The following CHCHD6 variants were observed in gnomAD, a reference collection of about 807,000 sequenced individuals.
CHCHD6 encodes the protein coiled-coil-helix-coiled-coil-helix domain containing 6.
CHCHD6 carries 28 observed loss-of-function variants against 32.3 expected under a neutral mutation model. The ratio of observed to expected loss-of-function variants is 0.87; its 90% CI spans 0.64 to 1.19. The LOEUF is 1.19. Among genes scored for constraint, CHCHD6 ranks in the 50% most tolerant of loss-of-function variants. The pLI is 0.00. For synonymous variants in CHCHD6, 122 were observed against 117.5 expected (o/e 1.04, Z -0.25); for missense variants, 333 against 307.0 (o/e 1.08, Z -0.63).
intron 5 of CHCHD6, among the ~76,000 whole-genome samples, chr3:126,871,179 TTCTC>T (rs1321739351): frequency 3.3e-5 from 5 of 152,348 alleles, no homozygotes; most frequent in Middle Eastern, 3.4e-3. Flanking sequence ...TAGTAGCTCT[TTCTC>T]TCTATCATCT....
At chr3:126,808,177 A>G (rs929626883) in intron 4 of CHCHD6, among the ~76,000 whole-genome samples, 44 of 152,150 alleles carry the variant, frequency 2.9e-4, no homozygotes, top group African/African-American at 8.7e-4. Flanking sequence ...TCTGAATTCA[A>G]TTCCTTGTGG....
intron 7 of CHCHD6, among the ~76,000 whole-genome samples, chr3:126,959,578 G>T (rs1321637009): frequency 6.6e-6 from 1 of 152,230 alleles, no homozygotes; most frequent in South Asian, 2.1e-4. Flanking sequence ...GGCCCACATG[G>T]TCAAGGGCCT....
chr3:126,931,952 G>GC (rs1426848713), intron 6 of CHCHD6, among the ~76,000 whole-genome samples: 1 of 152,180 alleles, frequency 6.6e-6, no homozygotes, highest in Non-Finnish European at 1.5e-5. Flanking sequence ...CTAGGCTGAC[G>GC]CATCCTAAGT....
chr3:126,867,541 T>C (rs1942329843), intron 5 of CHCHD6, among the ~76,000 whole-genome samples: 1 of 152,264 alleles, frequency 6.6e-6, no homozygotes, highest in Non-Finnish European at 1.5e-5. Context: ...AAATGGGTAC[T>C]CTAAGGCATT....
At chr3:126,837,869 C>CA (rs1559873343) in intron 4 of CHCHD6, among the ~76,000 whole-genome samples, 1 of 152,132 alleles carries the variant, frequency 6.6e-6, no homozygotes, top group Non-Finnish European at 1.5e-5. Context: ...GCATTTCCAC[C>CA]GTCTCCTTCC....
At chr3:126,952,775 G>A (rs2078733245) in intron 6 of CHCHD6, among the ~76,000 whole-genome samples, 1 of 152,208 alleles carries the variant, frequency 6.6e-6, no homozygotes, top group South Asian at 2.1e-4. Flanking sequence ...CAGGAGAGGT[G>A]GTCAGTGGGA....
At chr3:126,757,361 A>G (rs1936991801) in intron 4 of CHCHD6, among the ~76,000 whole-genome samples, 1 of 152,220 alleles carries the variant, frequency 6.6e-6, no homozygotes, top group Non-Finnish European at 1.5e-5. Flanking sequence ...GAAGAAGTCT[A>G]GGGAAAAGTC....
intron 4 of CHCHD6, among the ~76,000 whole-genome samples, chr3:126,809,259 G>C (rs1377237916): frequency 6.6e-6 from 1 of 152,206 alleles, no homozygotes; most frequent in Non-Finnish European, 1.5e-5. Context: ...ATGAGCCACT[G>C]TGCCTGGCCT....
intron 4 of CHCHD6, among the ~76,000 whole-genome samples, chr3:126,831,897 T>C (rs1239892130): frequency 6.6e-6 from 1 of 152,070 alleles, no homozygotes; most frequent in Non-Finnish European, 1.5e-5. Flanking sequence ...GAGTGAGGAG[T>C]GCGAGGGGCT....
At chr3:126,892,936 C>CT (rs1224248539) in intron 5 of CHCHD6, among the ~76,000 whole-genome samples, 1 of 151,606 alleles carries the variant, frequency 6.6e-6, no homozygotes, top group Non-Finnish European at 1.5e-5. Context: ...TTTTGTTTTT[C>CT]TTTTTTTGTT....
At chr3:126,808,690 G>C (rs1939522448) in intron 4 of CHCHD6, among the ~76,000 whole-genome samples, 1 of 152,014 alleles carries the variant, frequency 6.6e-6, no homozygotes, top group Non-Finnish European at 1.5e-5. Flanking sequence ...GATTTTTTAA[G>C]ATTAAGAAGC....
intron 5 of CHCHD6, among the ~76,000 whole-genome samples, chr3:126,897,357 G>C (rs182191667): frequency 2.0e-5 from 3 of 152,316 alleles, no homozygotes; most frequent in Admixed American, 1.3e-4. Context: ...TCTTCTTTTG[G>C]ATTAATATAG....
intron 5 of CHCHD6, among the ~76,000 whole-genome samples, chr3:126,885,193 G>A (rs919647334): frequency 4.3e-4 from 66 of 152,200 alleles, no homozygotes; most frequent in Admixed American, 1.5e-3. Context: ...ATGCTGGCTG[G>A]TCCTTCCAGC....
chr3:126,715,034 G>A (rs796579718), intron 1 of CHCHD6, among the ~76,000 whole-genome samples: 10 of 152,288 alleles, frequency 6.6e-5, no homozygotes, highest in African/African-American at 2.4e-4. Context: ...CATTCGACTA[G>A]TTTTTAAAGT....
At chr3:126,833,049 ACAGTATT>A (rs1394686212) in intron 4 of CHCHD6, among the ~76,000 whole-genome samples, 1 of 152,218 alleles carries the variant, frequency 6.6e-6, no homozygotes, top group Non-Finnish European at 1.5e-5. Context: ...ACATAGTGAC[ACAGTATT>A]CATAGGCAGT....
intron 5 of CHCHD6, among the ~76,000 whole-genome samples, chr3:126,870,845 C>G (rs2077458452): frequency 6.6e-6 from 1 of 152,214 alleles, no homozygotes; most frequent in South Asian, 2.1e-4. Context: ...AAAGTTCTGC[C>G]AGGGATCTAT....
chr3:126,735,489 A>G (rs1228141239), intron 4 of CHCHD6, among the ~76,000 whole-genome samples: 1 of 152,222 alleles, frequency 6.6e-6, no homozygotes, highest in Non-Finnish European at 1.5e-5. Flanking sequence ...TCTCAATGCA[A>G]CTGGTGTTCC....
chr3:126,920,184 T>G (rs996072709), intron 6 of CHCHD6, among the ~76,000 whole-genome samples: 3 of 150,858 alleles, frequency 2.0e-5, no homozygotes, highest in Non-Finnish European at 4.4e-5. Flanking sequence ...CTAAATGTTT[T>G]TAATTCTAAA....
intron 4 of CHCHD6, among the ~76,000 whole-genome samples, chr3:126,803,311 A>G (rs1939181360): frequency 6.6e-6 from 1 of 152,232 alleles, no homozygotes; most frequent in Non-Finnish European, 1.5e-5. Context: ...TGCTGTATTC[A>G]GGAAACCCAT....
Sources: gnomAD v4.1 joint callset for allele counts (sites outside exome capture counted in the v4.1 genomes callset) on GRCh38, gnomAD v4.1.1 for gene constraint, MANE v1.5 for transcripts, NCBI Gene and HGNC (gene_info 2026-07-23, HGNC 2026-07-21) for gene names.